The following RUFY1 variants were observed in gnomAD, a reference collection of about 807,000 sequenced individuals.
The protein encoded by RUFY1 is RUN and FYVE domain containing 1, also known as RUN and FYVE domain-containing protein 1.
Under a neutral mutation model 94.6 loss-of-function variants are expected in RUFY1, and 54 were observed. The observed-to-expected ratio is 0.57, with a 90% CI of 0.46 to 0.72. The LOEUF (loss-of-function observed/expected upper bound fraction) is 0.72. Ranked by LOEUF, RUFY1 falls within the 30% of genes least tolerant of loss-of-function variation. RUFY1 has a pLI of 0.00. For synonymous variants in RUFY1, 396 were observed against 347.3 expected, an observed-to-expected ratio of 1.14 and a Z score of -1.56; for missense variants, 883 against 883.9, an observed-to-expected ratio of 1.00 and a Z score of 0.01.
intron 8 of RUFY1, among the ~76,000 whole-genome samples, chr5:179,587,930 A>G (rs2127550200): frequency 6.6e-6 from 1 of 152,120 alleles, no homozygotes; most frequent in South Asian, 2.1e-4. Context: ...CGGGAGGCTG[A>G]GGTGAGAGGA....
At chr5:179,558,176 CCTTCT>C (rs1762201569) in intron 1 of RUFY1, among the ~76,000 whole-genome samples, 2 of 152,126 alleles carry the variant, frequency 1.3e-5, no homozygotes, top group South Asian at 4.1e-4. Flanking sequence ...AGAGTTTCTC[CCTTCT>C]CTTGATGAAG....
chr5:179,579,654 C>CTTTTT (rs1554118772), intron 6 of RUFY1, among the ~76,000 whole-genome samples: 4 of 38,636 alleles, frequency 1.0e-4, no homozygotes, highest in African/African-American at 2.5e-4. Flanking sequence ...CCCTTTTCTT[C>CTTTTT]TTCTTTTTTT....
intron 12 of RUFY1, 113 bp from the exon 13 acceptor site, chr5:179,596,447 TCA>T: frequency 3.0e-6 from 4 of 1,343,990 alleles, no homozygotes; most frequent in Non-Finnish European, 4.3e-6. Context: ...GTGTTAAAAC[TCA>T]CAAGAGTTAA....
At chr5:179,605,465 C>T (rs1284475099) in intron 15 of RUFY1, among the ~76,000 whole-genome samples, 1 of 152,146 alleles carries the variant, frequency 6.6e-6, no homozygotes, top group Non-Finnish European at 1.5e-5. Flanking sequence ...TTCCCCCTTC[C>T]AGACAGCAGG....
intron 1 of RUFY1, chr5:179,559,639 C>A (rs1762287268): frequency 3.0e-6 from 3 of 997,624 alleles, no homozygotes; most frequent in Admixed American, 5.9e-5. Flanking sequence ...TCCCAGCACG[C>A]CCTCTAAGAG....
At chr5:179,576,405 A>G (rs991069823) in intron 5 of RUFY1, among the ~76,000 whole-genome samples, 1 of 152,172 alleles carries the variant, frequency 6.6e-6, no homozygotes, top group South Asian at 2.1e-4. Flanking sequence ...AGTTAAGGTC[A>G]CCACTTTATT....
chr5:179,597,783 A>G (rs1291391411), intron 13 of RUFY1, among the ~76,000 whole-genome samples: 1 of 152,234 alleles, frequency 6.6e-6, no homozygotes, highest in Non-Finnish European at 1.5e-5. Flanking sequence ...GCGGTCCAGC[A>G]GTGCCCCCAG....
chr5:179,596,863 C>A, intron 13 of RUFY1, 182 bp downstream of exon 13: 1 of 747,570 alleles, frequency 1.3e-6, no homozygotes. Flanking sequence ...GCTCCCTCCC[C>A]ACAGGGCTCC....
chr5:179,590,377 C>T (rs896714425), intron 9 of RUFY1, among the ~76,000 whole-genome samples: 1 of 151,744 alleles, frequency 6.6e-6, no homozygotes, highest in African/African-American at 2.4e-5. Flanking sequence ...GAGACCATAT[C>T]TGATTGACTT....
chr5:179,583,884 G>A (rs546640293), intron 7 of RUFY1, among the ~76,000 whole-genome samples: 94 of 151,340 alleles, frequency 6.2e-4, no homozygotes, highest in Middle Eastern at 3.4e-3. Context: ...CAAGTAGCTG[G>A]GATTGCAGGC....
chr5:179,605,023 A>T (rs910019720), intron 15 of RUFY1, among the ~76,000 whole-genome samples: 2 of 151,856 alleles, frequency 1.3e-5, no homozygotes, highest in Non-Finnish European at 2.9e-5. Flanking sequence ...TCAGGCCTAT[A>T]ATCCTAGCAC....
At chr5:179,586,368 G>A (rs1367630935) in intron 8 of RUFY1, 1 of 456,706 alleles carries the variant, frequency 2.2e-6, no homozygotes, top group Non-Finnish European at 4.4e-6. Flanking sequence ...GGAGGGCTGA[G>A]CCGAGGAAGA....
intron 1 of RUFY1, 134 bp from the exon 2 acceptor site, chr5:179,559,891 C>G (rs532312001): frequency 7.0e-7 from 1 of 1,429,784 alleles, no homozygotes; most frequent in Non-Finnish European, 9.1e-7. Context: ...ATCCCGGTTG[C>G]CCGCCCGCCA....
At chr5:179,585,583 TA>T (rs955532486) in intron 7 of RUFY1, among the ~76,000 whole-genome samples, 1 of 151,948 alleles carries the variant, frequency 6.6e-6, no homozygotes, top group Non-Finnish European at 1.5e-5. Flanking sequence ...TGCCTCAAAA[TA>T]AAAAAAGAAA....
chr5:179,591,386 A>T (rs185148167), intron 9 of RUFY1, among the ~76,000 whole-genome samples: 1 of 149,400 alleles, frequency 6.7e-6, no homozygotes, highest in Non-Finnish European at 1.5e-5. Context: ...GGGTTTCACC[A>T]TGTTAGCCAG....
intron 17 of RUFY1, among the ~76,000 whole-genome samples, chr5:179,607,997 TCTGGCCCAACTTAGGCAAAAA>T (rs1440929671): frequency 6.6e-6 from 1 of 152,094 alleles, no homozygotes. Context: ...AGGAACAAAA[TCTGGCCCAACTTAGGCAAAAA>T]CAATCTATGG....
At chr5:179,565,204 C>T (rs1281637778) in intron 3 of RUFY1, among the ~76,000 whole-genome samples, 7 of 113,948 alleles carry the variant, frequency 6.1e-5, no homozygotes, top group African/African-American at 2.4e-4. Context: ...GACAGAGTCT[C>T]ACTCTATCGC....
intron 5 of RUFY1, among the ~76,000 whole-genome samples, chr5:179,575,696 T>C (rs991026567): frequency 5.3e-5 from 8 of 152,216 alleles, no homozygotes; most frequent in Non-Finnish European, 1.2e-4. Flanking sequence ...CCGTTACACA[T>C]AGCCTTGGTT....
At chr5:179,580,241 G>GTGTGTGTGTGTATATATATATATATA (rs149099074) in intron 6 of RUFY1, among the ~76,000 whole-genome samples, 1 of 93,852 alleles carries the variant, frequency 1.1e-5, no homozygotes, top group African/African-American at 3.5e-5. Flanking sequence ...GTGTGTGTGT[G>GTGTGTGTGTGTATATATATATATATA]TATATTTTTT....
Sources: gnomAD v4.1 joint callset for allele counts (sites outside exome capture counted in the v4.1 genomes callset) on GRCh38, gnomAD v4.1.1 for gene constraint, MANE v1.5 for transcripts, NCBI Gene and HGNC (gene_info 2026-07-23, HGNC 2026-07-21) for gene names.